MBTPS1: variants seen among roughly 807,000 people sequenced by gnomAD.
The protein encoded by MBTPS1 is membrane bound transcription factor peptidase, site 1.
A neutral mutation model predicts 127.8 loss-of-function variants in MBTPS1; 94 were observed. The ratio of observed to expected loss-of-function variants is 0.74; its 90% CI spans 0.62 to 0.87. The LOEUF (loss-of-function observed/expected upper bound fraction) is 0.87, where lower values mean the gene tolerates loss of function less well. MBTPS1 is among the 40% of genes least tolerant of loss of function. The probability of loss-of-function intolerance (pLI) is 0.00; values close to 1 mark genes in which losing one functional copy is unlikely to be tolerated. For synonymous variants in MBTPS1, 632 were observed against 509.4 expected (o/e 1.24, Z -3.24); for missense variants, 1,636 against 1,353.2 (o/e 1.21, Z -3.28).
At chr16:84,087,501 A>G (rs1597333547) in intron 8 of MBTPS1, 41 bp from the exon 9 acceptor site, 1 of 1,138,324 alleles carries the variant, frequency 8.8e-7, no homozygotes, top group Non-Finnish European at 1.2e-6. Context: ...AAAGAAAAAG[A>G]AAAAAACAAG....
Position 84,065,772 on chromosome 16 carries a change from G to C in MBTPS1, c.2354-5C>G. 6.4e-7 allele frequency: 1 copy of C among 1,565,724 alleles called. No individual in the cohort carries two copies. The highest frequency in any genetic ancestry group is 8.6e-7 in the Non-Finnish European group (1 of 1,158,152). ...TGCACCCTGACGCATAATACACTAG[G>C]AAAGAGTGTTCAAAGTCAAGGGAAC... On this transcript the variant is annotated splice_polypyrimidine_tract_variant and splice_region_variant and intron_variant, in intron 17 of 22. Transcript: ENST00000343411.
chr16:84,097,384 A>C (rs1196757973), intron 3 of MBTPS1, among the ~76,000 whole-genome samples: 4 of 152,202 alleles, frequency 2.6e-5, no homozygotes, highest in African/African-American at 4.8e-5. Flanking sequence ...CCATTTTATG[A>C]ATGAGAAAAA....
intron 1 of MBTPS1, among the ~76,000 whole-genome samples, chr16:84,110,016 A>G (rs2086377461): frequency 6.6e-6 from 1 of 152,220 alleles, no homozygotes. Context: ...TGTTAGGTTC[A>G]GCCTGTTTCC....
At chr16:84,080,596 C>G (rs1406407911) in intron 11 of MBTPS1, among the ~76,000 whole-genome samples, 1 of 152,276 alleles carries the variant, frequency 6.6e-6, no homozygotes, top group Non-Finnish European at 1.5e-5. Flanking sequence ...CAAGGCCACG[C>G]TTCCCCTGGG....
chr16:84,063,202 G>C, intron 19 of MBTPS1, 103 bp downstream of exon 19: 1 of 1,248,440 alleles, frequency 8.0e-7, no homozygotes, highest in Non-Finnish European at 1.1e-6. Context: ...CAAGTGAACA[G>C]ATGTCGGCTG....
chr16:84,104,470 A>C (rs2086296918), intron 1 of MBTPS1, among the ~76,000 whole-genome samples: 2 of 152,138 alleles, frequency 1.3e-5, no homozygotes, highest in African/African-American at 2.4e-5. Context: ...CTCCACTTAA[A>C]AAACAAACAA....
At chr16:84,115,069 C>G (rs2086453589) in intron 1 of MBTPS1, among the ~76,000 whole-genome samples, 1 of 152,004 alleles carries the variant, frequency 6.6e-6, no homozygotes, top group African/African-American at 2.4e-5. Context: ...GCTGGGATTA[C>G]AGGCGCCTGC....
intron 1 of MBTPS1, chr16:84,110,822 T>A (rs897428656): frequency 5.3e-5 from 8 of 152,100 alleles, no homozygotes; most frequent in Admixed American, 5.2e-4. Flanking sequence ...TCCTAAAATC[T>A]CCCCTAGGGA....
intron 20 of MBTPS1, 141 bp downstream of exon 20, chr16:84,060,541 C>T: frequency 1.1e-6 from 1 of 916,916 alleles, no homozygotes. Flanking sequence ...GAGTGCTGCT[C>T]TACCCGCAGC....
At chr16:84,107,473 G>A (rs1394222317) in intron 1 of MBTPS1, among the ~76,000 whole-genome samples, 4 of 152,158 alleles carry the variant, frequency 2.6e-5, no homozygotes, top group Non-Finnish European at 5.9e-5. Context: ...TAAAAGGTGA[G>A]CTAAAATCCA....
rs369254175 is a variant in MBTPS1 at position 84,056,149 on chromosome 16, G to T, written c.2832-14C>A. ...TTCCAAAGGTTACTTCAGGAAAATGGATTAAAACAAAACAAAAATAAGCCA... is the reference window on the plus strand; with the variant it reads ...TTCCAAAGGTTACTTCAGGAAAATGTATTAAAACAAAACAAAAATAAGCCA... On this transcript the variant is annotated splice_polypyrimidine_tract_variant and intron_variant, in intron 21 of 22. Coordinates refer to ENST00000343411, the MANE Select transcript of MBTPS1 (RefSeq NM_003791.4). 1.2e-5 allele frequency: 20 copies of T among 1,611,226 alleles called. No individual in the cohort carries two copies. The highest frequency in any genetic ancestry group is 3.3e-5 in the Admixed American group (2 of 59,938).
intron 7 of MBTPS1, among the ~76,000 whole-genome samples, 154 bp downstream of exon 7, chr16:84,091,578 G>A (rs2086107254): frequency 6.6e-6 from 1 of 150,904 alleles, no homozygotes; most frequent in Non-Finnish European, 1.5e-5. Flanking sequence ...TTTATGACAT[G>A]CAAATCACTG....
At chr16:84,086,290 G>C (rs1020586891) in intron 9 of MBTPS1, 13 of 151,924 alleles carry the variant, frequency 8.6e-5, no homozygotes, top group African/African-American at 2.9e-4. Context: ...TGGGGACAAA[G>C]TGGATGACAT....
intron 7 of MBTPS1, 71 bp downstream of exon 7, chr16:84,091,661 T>A (rs543975775): frequency 1.3e-4 from 133 of 998,436 alleles, no homozygotes; most frequent in Admixed American, 3.4e-5. Context: ...ACACACTAGA[T>A]ATGATGCAAA....
intron 14 of MBTPS1, among the ~76,000 whole-genome samples, chr16:84,068,753 G>A (rs754129569): frequency 4.6e-5 from 7 of 152,250 alleles, no homozygotes; most frequent in East Asian, 1.9e-4. Flanking sequence ...TAGCAGTCGC[G>A]TTCAAGTAAA....
At chr16:84,115,636 A>C (rs1236737896) in intron 1 of MBTPS1, among the ~76,000 whole-genome samples, 2 of 152,232 alleles carry the variant, frequency 1.3e-5, no homozygotes, top group African/African-American at 4.8e-5. Context: ...AAAAGGCCGC[A>C]TATCATATGT....
intron 1 of MBTPS1, among the ~76,000 whole-genome samples, chr16:84,112,956 C>T (rs899315119): frequency 3.4e-5 from 4 of 117,630 alleles, no homozygotes; most frequent in African/African-American, 1.3e-4. Flanking sequence ...GCCTGGGAGA[C>T]AGAGCGAGAT....
chr16:84,103,561 T>C (rs1333971492), intron 1 of MBTPS1, among the ~76,000 whole-genome samples: 1 of 152,144 alleles, frequency 6.6e-6, no homozygotes, highest in Non-Finnish European at 1.5e-5. Context: ...CACTACTTGT[T>C]TTTAAAAAGA....
chr16:84,102,981 G>T (rs1288044892), intron 1 of MBTPS1, among the ~76,000 whole-genome samples: 2 of 152,166 alleles, frequency 1.3e-5, no homozygotes, highest in Non-Finnish European at 2.9e-5. Flanking sequence ...TGAGAAGACA[G>T]TTTGTGAGGG....
Sources: allele counts gnomAD v4.1 joint callset (sites outside exome capture counted in the v4.1 genomes callset), GRCh38; gene constraint gnomAD v4.1.1; transcripts MANE v1.5; gene names NCBI Gene and HGNC (gene_info 2026-07-23, HGNC 2026-07-21).